KRT7: variants seen among roughly 807,000 people sequenced by gnomAD.
KRT7 encodes keratin 7.
In KRT7, 50 loss-of-function variants were observed where a neutral mutation model predicts 42.8. The ratio of observed to expected loss-of-function variants is 1.17; its 90% CI spans 0.93 to 1.48. KRT7 has a LOEUF of 1.48. Among genes scored for constraint, KRT7 ranks in the 40% most tolerant of loss-of-function variants. The pLI is 0.00. For missense variants in KRT7, 588 were observed against 637.6 expected (o/e 0.92, Z 0.84); for synonymous variants, 268 against 266.3 (o/e 1.01, Z -0.06).
At chr12:52,255,238 A>G (rs114186369), downstream of KRT7, 246 of 422,714 alleles carry the variant, frequency 5.8e-4, no homozygotes, top group African/African-American at 4.7e-3. Flanking sequence ...TCTCCGAACT[A>G]CAGAGAGCCT....
intron 6 of KRT7, chr12:52,245,165 G>A (rs1268334143): frequency 1.8e-6 from 1 of 562,706 alleles, no homozygotes; most frequent in Non-Finnish European, 3.1e-6. Context: ...AGAAAAGAGG[G>A]GACTTTGGCT....
downstream of KRT7, among the ~76,000 whole-genome samples, chr12:52,249,638 G>A (rs915142783): frequency 2.7e-4 from 41 of 152,170 alleles, no homozygotes; most frequent in African/African-American, 9.7e-4. Context: ...GTGTCTGTGA[G>A]TGTGGCAGGT....
chr12:52,245,244 T>C, intron 6 of KRT7, 168 bp from the exon 7 acceptor site: 1 of 661,898 alleles, frequency 1.5e-6, no homozygotes, highest in Non-Finnish European at 2.6e-6. Flanking sequence ...ACATAGGCGT[T>C]GGATATCCAA....
intron 3 of KRT7, 192 bp downstream of exon 3, chr12:52,237,761 T>G (rs886217255): frequency 2.4e-6 from 1 of 419,950 alleles, no homozygotes; most frequent in Non-Finnish European, 4.2e-6. Context: ...TGTGTGTGTG[T>G]GGTGACTGAT....
downstream of KRT7, chr12:52,251,904 A>T: frequency 4.4e-6 from 2 of 459,080 alleles, no homozygotes; most frequent in South Asian, 3.4e-5. Context: ...GGAGTGGAGC[A>T]GTTGAGGCAG....
intron 4 of KRT7, among the ~76,000 whole-genome samples, chr12:52,240,354 G>T (rs1374818610): frequency 6.6e-6 from 1 of 152,204 alleles, no homozygotes; most frequent in African/African-American, 2.4e-5. Flanking sequence ...ACTTGGCCAG[G>T]CGTGGTGGCT....
downstream of KRT7, chr12:52,250,572 C>T (rs1400989880): frequency 5.9e-5 from 74 of 1,258,692 alleles, no homozygotes; most frequent in Non-Finnish European, 4.0e-5. Context: ...GCAGACGCTG[C>T]CCGTCACCGG....
chr12:52,254,513 T>A (rs9325150), downstream of KRT7: 5 of 393,886 alleles, frequency 1.3e-5, no homozygotes, highest in South Asian at 6.5e-5. Context: ...GTATCATGCC[T>A]TGGTGAAGCC....
At chr12:52,254,495 A>G (rs1156367494), downstream of KRT7, 3 of 423,516 alleles carry the variant, frequency 7.1e-6, no homozygotes, top group African/African-American at 6.1e-5. Context: ...TGCTCATCCC[A>G]GTGCCTGGTA....
intron 5 of KRT7, 52 bp from the exon 6 acceptor site, chr12:52,242,960 C>T: frequency 6.4e-7 from 1 of 1,564,228 alleles, no homozygotes; most frequent in East Asian, 2.3e-5. Flanking sequence ...GGATGAGTTA[C>T]CTGTACTCAC....
chr12:52,253,189 G>A (rs1942292877), downstream of KRT7: 3 of 1,584,848 alleles, frequency 1.9e-6, no homozygotes, highest in Non-Finnish European at 1.7e-6. Context: ...TTCCTACACT[G>A]AGGGGTGGGC....
At chr12:52,235,090 C>T in intron 1 of KRT7, 65 bp from the exon 2 acceptor site, 2 of 1,496,250 alleles carry the variant, frequency 1.3e-6, no homozygotes, top group Admixed American at 1.7e-5. Context: ...GATGATGTTC[C>T]TCAATCCCGC....
chr12:52,255,273 C>G, downstream of KRT7: 1 of 448,332 alleles, frequency 2.2e-6, no homozygotes, highest in Non-Finnish European at 4.5e-6. Flanking sequence ...TCTCCCAGCT[C>G]AAACCTTTGG....
At chr12:52,233,741 C>CGCCA (rs1941959966) in intron 1 of KRT7, 121 bp downstream of exon 1, 1 of 994,756 alleles carries the variant, frequency 1.0e-6, no homozygotes, top group East Asian at 2.4e-5. Context: ...TCTGTCTTTC[C>CGCCA]GCCAGTGTTG....
At chr12:52,251,733 A>G (rs377050550), downstream of KRT7, 129 of 339,194 alleles carry the variant, frequency 3.8e-4, no homozygotes, top group African/African-American at 2.3e-3. Context: ...TAGCTAATTA[A>G]GTTACTATAA....
chr12:52,252,828 T>G (rs1942286901), downstream of KRT7, among the ~76,000 whole-genome samples: 1 of 152,198 alleles, frequency 6.6e-6, no homozygotes, highest in African/African-American at 2.4e-5. Context: ...ACAGCTTGCT[T>G]GCTTCGCTCA....
rs1941998625 is a variant in KRT7 at position 52,235,343 on chromosome 12, T to G, written c.513T>G (p.Asp171Glu). 6.2e-7 allele frequency: 1 copy of G among 1,612,448 alleles called. No homozygotes were observed. The highest frequency in any genetic ancestry group is 8.5e-7 in the Non-Finnish European group (1 of 1,179,394). ...AGGCGGAGCTGCGGAGCATGCAGGA[T>G]GTGGTGGAGGACTTCAAGAATAAGT... ...RLEAELRSMQ[D>E]VVEDFKNKYE... The change falls in exon 2 of 9, where the codon GAT becomes GAG. Residue 171 changes from aspartate (D) to glutamate (E), a missense_variant. Transcript: ENST00000331817.
chr12:52,238,623 A>G (rs1942041146), intron 3 of KRT7, 57 bp from the exon 4 acceptor site: 3 of 1,060,062 alleles, frequency 2.8e-6, no homozygotes, highest in Non-Finnish European at 4.4e-6. Context: ...CCCCTACTAA[A>G]TGTTCCCTGT....
chr12:52,252,233 G>A (rs772553963), downstream of KRT7: 1 of 1,613,352 alleles, frequency 6.2e-7, no homozygotes, highest in Non-Finnish European at 8.5e-7. Context: ...AAACTGAGGG[G>A]ACACCCTCCC....
Sources: gnomAD v4.1 joint callset for allele counts (sites outside exome capture counted in the v4.1 genomes callset) on GRCh38, gnomAD v4.1.1 for gene constraint, MANE v1.5 for transcripts, NCBI Gene and HGNC (gene_info 2026-07-23, HGNC 2026-07-21) for gene names.